The following BCCIP variants were observed in gnomAD, a reference collection of about 807,000 sequenced individuals.
BCCIP encodes the protein BRCA2 and CDKN1A interacting protein, also known as BRCA2 and CDKN1A-interacting protein.
In BCCIP, 23 loss-of-function variants were observed where a neutral mutation model predicts 32.8. The ratio of observed to expected loss-of-function variants is 0.70; its 90% CI spans 0.51 to 0.99. The LOEUF is 0.99. Among genes scored for constraint, BCCIP ranks in the 50% least tolerant of loss-of-function variants. The pLI, the probability that BCCIP is intolerant of heterozygous loss-of-function variation, is 0.00. For missense variants in BCCIP, 378 were observed against 379.8 expected, an observed-to-expected ratio of 1.00 and a Z score of 0.04; for synonymous variants, 144 against 137.6, an observed-to-expected ratio of 1.05 and a Z score of -0.33.
chr10:125,840,061 C>T (rs569513359), downstream of BCCIP, among the ~76,000 whole-genome samples: 1 of 152,340 alleles, frequency 6.6e-6, no homozygotes, highest in African/African-American at 2.4e-5. Flanking sequence ...CACACTACTT[C>T]ACATATTTTC....
At chr10:125,853,239 CATA>C in exon 8 of BCCIP, 1 of 1,598,196 alleles carries the variant, frequency 6.3e-7, no homozygotes, top group Non-Finnish European at 8.5e-7. Flanking sequence ...ATTGCTCTGT[CATA>C]ATAAGTCAGG....
intron 7 of BCCIP, among the ~76,000 whole-genome samples, chr10:125,850,557 G>A (rs1033268452): frequency 2.0e-5 from 3 of 151,750 alleles, no homozygotes; most frequent in Non-Finnish European, 4.4e-5. Context: ...ATTTCACCAC[G>A]TTGGTCAGGC....
chr10:125,850,423 T>G (rs921488700), intron 7 of BCCIP, among the ~76,000 whole-genome samples: 7 of 147,434 alleles, frequency 4.7e-5, no homozygotes, highest in Admixed American at 2.7e-4. Context: ...AATGGCGCAA[T>G]CTTGGTTCAC....
downstream of BCCIP, chr10:125,841,171 A>G: frequency 7.1e-7 from 1 of 1,411,818 alleles, no homozygotes; most frequent in Non-Finnish European, 9.8e-7. Flanking sequence ...GAGTCATCCT[A>G]ATTCTCCCTC....
intron 1 of BCCIP, 24 bp downstream of exon 1, chr10:125,823,746 T>C (rs1854250891): frequency 1.1e-5 from 17 of 1,612,986 alleles, no homozygotes; most frequent in Non-Finnish European, 1.4e-5. Context: ...GCTCCCCTAG[T>C]TGGTTTATAC....
At chr10:125,849,314 G>A (rs898725860) in intron 7 of BCCIP, among the ~76,000 whole-genome samples, 2 of 152,156 alleles carry the variant, frequency 1.3e-5, no homozygotes, top group African/African-American at 4.8e-5. Flanking sequence ...AGGCCCACAA[G>A]AGCCTAAAGG....
At chr10:125,840,409 GCACT>G (rs1292709091), downstream of BCCIP, among the ~76,000 whole-genome samples, 7 of 152,250 alleles carry the variant, frequency 4.6e-5, no homozygotes, top group Non-Finnish European at 5.9e-5. Context: ...TACCTATTCT[GCACT>G]AGTATCTGGA....
downstream of BCCIP, among the ~76,000 whole-genome samples, chr10:125,845,132 A>T (rs1302571210): frequency 2.0e-5 from 3 of 152,222 alleles, no homozygotes; most frequent in African/African-American, 7.2e-5. Context: ...GGCCAAGTGG[A>T]GTCCAAGGCC....
At chr10:125,852,081 G>A (rs922430985) in intron 7 of BCCIP, among the ~76,000 whole-genome samples, 8 of 152,040 alleles carry the variant, frequency 5.3e-5, no homozygotes, top group African/African-American at 1.5e-4. Flanking sequence ...CACATTTCTC[G>A]TGTCAGAACA....
intron 6 of BCCIP, 35 bp downstream of exon 6, chr10:125,833,981 T>G (rs1425794109): frequency 5.6e-6 from 9 of 1,599,188 alleles, no homozygotes; most frequent in Non-Finnish European, 6.8e-6. Flanking sequence ...TAGATGTAAA[T>G]AAGGATTTTC....
chr10:125,830,827 T>C (rs1389552681), intron 4 of BCCIP, among the ~76,000 whole-genome samples, 176 bp downstream of exon 4: 2 of 152,224 alleles, frequency 1.3e-5, no homozygotes, highest in Admixed American at 1.3e-4. Flanking sequence ...GTTGGGTCTG[T>C]ACCCAGTTAA....
intron 5 of BCCIP, among the ~76,000 whole-genome samples, chr10:125,833,137 GAAAA>G (rs1161862135): frequency 1.8e-5 from 2 of 111,702 alleles, no homozygotes; most frequent in South Asian, 2.9e-4. Flanking sequence ...ACGAAAAAAA[GAAAA>G]AAAAAAAAAA....
Position 125,826,742 on chromosome 10 carries a change from A to G in BCCIP, c.240+77A>G. On this transcript the variant is annotated intron_variant, in intron 2 of 6. Coordinates refer to ENST00000278100, the MANE Select transcript of BCCIP (RefSeq NM_078468.3). ...GGGCCGGGTGCAGTGGTTCATGCCT[A>G]TAATCTCAGCATTTTGGAAGGCCGA... The G allele has an allele frequency of 4.5e-6, 7 of 1,562,030 alleles. No individual in the cohort carries two copies. In the Admixed American group the frequency reaches 5.7e-5, roughly 13 times the overall value.
intron 3 of BCCIP, 151 bp downstream of exon 3, chr10:125,827,789 G>A: frequency 1.9e-6 from 1 of 528,060 alleles, no homozygotes; most frequent in South Asian, 2.8e-5. Flanking sequence ...GGGCAATATA[G>A]CAATACTCTG....
downstream of BCCIP, among the ~76,000 whole-genome samples, chr10:125,844,537 A>T (rs767581017): frequency 6.6e-6 from 1 of 152,256 alleles, no homozygotes; most frequent in Non-Finnish European, 1.5e-5. Flanking sequence ...TATTAGAAAG[A>T]ATGAGTTAAT....
At chr10:125,836,995 G>A, downstream of BCCIP, 2 of 690,926 alleles carry the variant, frequency 2.9e-6, no homozygotes, top group East Asian at 5.5e-5. Context: ...TAGTATCTCA[G>A]TCCGACTTTG....
At chr10:125,836,080 T>G in intron 6 of BCCIP, 24 bp from the exon 7 acceptor site, 1 of 1,588,786 alleles carries the variant, frequency 6.3e-7, no homozygotes, top group Non-Finnish European at 8.6e-7. Flanking sequence ...CGATTTTTAA[T>G]TCATGGTTAC....
In BCCIP at chr10:125,826,589, A is replaced by G. The variant is rs1365592777; in HGVS notation, c.166-2A>G. The G allele has an allele frequency of 1.2e-6, 2 of 1,613,192 alleles. No individual in the cohort carries two copies. Among genetic ancestry groups the G allele is most frequent in the Non-Finnish European group, 1.7e-6 (2 of 1,179,684 alleles). On this transcript the variant is annotated splice_acceptor_variant, in intron 1 of 6. Transcript: ENST00000278100. LOFTEE classifies it high-confidence loss of function. ...AACAACTATTTTGTGTGTTATTTAC[A>G]GGAAGTGAATATTGAATTTGAAGCT...
At chr10:125,847,389 A>G (rs1247185498), downstream of BCCIP, among the ~76,000 whole-genome samples, 1 of 152,232 alleles carries the variant, frequency 6.6e-6, no homozygotes. Flanking sequence ...AGAATTTAAT[A>G]TATCCACTGC....
Sources: gnomAD v4.1 joint callset for allele counts (sites outside exome capture counted in the v4.1 genomes callset) on GRCh38, gnomAD v4.1.1 for gene constraint, MANE v1.5 for transcripts, NCBI Gene and HGNC (gene_info 2026-07-23, HGNC 2026-07-21) for gene names.